Variants in ADGRL3 observed in about 807,000 individuals in gnomAD.
ADGRL3 encodes calcium-independent alpha-latrotoxin receptor 3.
A neutral mutation model predicts 153.5 loss-of-function variants in ADGRL3; 62 were observed. That is an observed-to-expected ratio of 0.40 (90% confidence interval 0.33 to 0.50). The LOEUF (loss-of-function observed/expected upper bound fraction) is 0.50, where lower values mean the gene tolerates loss of function less well. Among genes scored for constraint, ADGRL3 ranks in the 20% least tolerant of loss-of-function variants. The pLI is 0.47. For missense variants in ADGRL3, 1,641 were observed against 1,859.4 expected (o/e 0.88, Z 2.16); for synonymous variants, 710 against 672.5 (o/e 1.06, Z -0.86).
intron 9 of ADGRL3, among the ~76,000 whole-genome samples, chr4:61,872,638 T>A (rs2098452382): frequency 6.7e-6 from 1 of 149,454 alleles, no homozygotes. Context: ...GTTTCTAGTC[T>A]CAATGTTAAC....
At chr4:61,628,867 T>A (rs942281614) in intron 5 of ADGRL3, among the ~76,000 whole-genome samples, 1 of 152,202 alleles carries the variant, frequency 6.6e-6, no homozygotes, top group Non-Finnish European at 1.5e-5. Flanking sequence ...TTTGTTCTTG[T>A]TGACAGTATA....
intron 2 of ADGRL3, among the ~76,000 whole-genome samples, chr4:61,450,974 T>G (rs1220323991): frequency 1.3e-5 from 2 of 152,102 alleles, no homozygotes; most frequent in Non-Finnish European, 2.9e-5. Context: ...TAGTATTAGA[T>G]TATTCTAAAT....
At chr4:61,530,502 G>C (rs987553840) in intron 4 of ADGRL3, among the ~76,000 whole-genome samples, 3 of 152,070 alleles carry the variant, frequency 2.0e-5, no homozygotes, top group African/African-American at 4.8e-5. Flanking sequence ...GCTCAGTGCT[G>C]AGTTTGGTAA....
intron 1 of ADGRL3, among the ~76,000 whole-genome samples, chr4:61,216,491 T>C (rs1037707902): frequency 6.6e-6 from 1 of 152,132 alleles, no homozygotes; most frequent in African/African-American, 2.4e-5. Flanking sequence ...ATACCTTGAG[T>C]GTAGAATTCT....
In ADGRL3 at chr4:61,711,461, TA is replaced by T. The variant is rs1561105104; in HGVS notation, c.584-19160del. ...CTATCTTAAAACATATGCTTCATTATATATATATATATATATATATATATAT... is the reference window on the plus strand; with the variant it reads ...CTATCTTAAAACATATGCTTCATTATTATATATATATATATATATATATAT... On this transcript the variant is annotated intron_variant, in intron 6 of 26. Transcript: ENST00000683033. Among the ~76,000 whole-genome samples, 39 of 70,110 alleles carry T rather than the reference TA, an allele frequency of 5.6e-4. 3 individuals carry two copies. Among genetic ancestry groups the T allele is most frequent in the Middle Eastern group, 0.014 (2 of 148 alleles). 46.0% of individuals were successfully genotyped at this position (70,110 alleles called of 152,430 possible). A position where few individuals can be genotyped will look rare whatever the true frequency, so the allele number is the denominator to read the frequency against.
At chr4:61,593,040 A>G (rs1416706003) in intron 5 of ADGRL3, among the ~76,000 whole-genome samples, 1 of 152,172 alleles carries the variant, frequency 6.6e-6, no homozygotes, top group Non-Finnish European at 1.5e-5. Context: ...CATGAGGCTT[A>G]CAAACACTAT....
chr4:61,837,324 T>TG (rs2097951935), intron 9 of ADGRL3, among the ~76,000 whole-genome samples: 1 of 152,172 alleles, frequency 6.6e-6, no homozygotes, highest in Non-Finnish European at 1.5e-5. Context: ...GTAATGCACT[T>TG]GCAAAGACTG....
intron 1 of ADGRL3, among the ~76,000 whole-genome samples, chr4:61,366,617 T>G (rs999933088): frequency 6.6e-6 from 1 of 152,216 alleles, no homozygotes; most frequent in South Asian, 2.1e-4. Context: ...TGTCTTTGAC[T>G]GCAGTGAAGT....
intron 9 of ADGRL3, among the ~76,000 whole-genome samples, chr4:61,858,589 C>T (rs2098305815): frequency 6.6e-6 from 1 of 152,112 alleles, no homozygotes; most frequent in Non-Finnish European, 1.5e-5. Flanking sequence ...CCACTGCACT[C>T]CATCCTGGGA....
intron 2 of ADGRL3, among the ~76,000 whole-genome samples, chr4:61,487,248 T>C (rs1009612958): frequency 1.3e-5 from 2 of 152,158 alleles, no homozygotes; most frequent in East Asian, 1.9e-4. Flanking sequence ...CTGGGCTTTA[T>C]TACTTTTAAC....
chr4:61,218,336 C>T (rs895350504), intron 1 of ADGRL3, among the ~76,000 whole-genome samples: 4 of 151,038 alleles, frequency 2.6e-5, no homozygotes, highest in Non-Finnish European at 4.4e-5. Flanking sequence ...TTGGAGACAG[C>T]GTCTTGCTCT....
intron 1 of ADGRL3, among the ~76,000 whole-genome samples, chr4:61,377,647 C>A (rs1460424241): frequency 6.6e-6 from 1 of 151,910 alleles, no homozygotes; most frequent in Admixed American, 6.6e-5. Context: ...AATTAGTAGT[C>A]ATTTTAACAT....
intron 13 of ADGRL3, among the ~76,000 whole-genome samples, chr4:61,933,288 T>G (rs1196080158): frequency 6.6e-6 from 1 of 152,114 alleles, no homozygotes; most frequent in Non-Finnish European, 1.5e-5. Context: ...TTTATTTTTA[T>G]TTTTTTGGTT....
At chr4:61,774,711 C>T (rs996291426) in intron 8 of ADGRL3, among the ~76,000 whole-genome samples, 1 of 151,876 alleles carries the variant, frequency 6.6e-6, no homozygotes. Context: ...ATTTGTATTG[C>T]AGTATATTGT....
At chr4:61,302,082 T>A (rs1264416704) in intron 1 of ADGRL3, among the ~76,000 whole-genome samples, 1 of 152,134 alleles carries the variant, frequency 6.6e-6, no homozygotes, top group East Asian at 1.9e-4. Flanking sequence ...ATTTTTAAGG[T>A]AGATGAGAAT....
intron 13 of ADGRL3, among the ~76,000 whole-genome samples, chr4:61,915,475 G>C (rs1035627080): frequency 3.9e-5 from 6 of 151,924 alleles, no homozygotes; most frequent in African/African-American, 1.4e-4. Flanking sequence ...TGGGGCCTTT[G>C]GGATAATTAG....
chr4:61,600,035 C>T (rs898328292), intron 5 of ADGRL3, among the ~76,000 whole-genome samples: 25 of 151,982 alleles, frequency 1.6e-4, no homozygotes, highest in African/African-American at 5.6e-4. Flanking sequence ...ATGGGCGAGG[C>T]GTGGTGGCTC....
intron 1 of ADGRL3, among the ~76,000 whole-genome samples, chr4:61,282,824 A>T (rs1240360852): frequency 6.6e-6 from 1 of 152,062 alleles, no homozygotes; most frequent in Non-Finnish European, 1.5e-5. Context: ...TGATCTTTAG[A>T]TTCACAATGG....
At chr4:61,261,197 T>C (rs1395665647) in intron 1 of ADGRL3, among the ~76,000 whole-genome samples, 1 of 149,802 alleles carries the variant, frequency 6.7e-6, no homozygotes, top group Non-Finnish European at 1.5e-5. Context: ...TTCTTTTTTT[T>C]TTTTTTTTTT....
Sources: gnomAD v4.1 joint callset for allele counts (sites outside exome capture counted in the v4.1 genomes callset) on GRCh38, gnomAD v4.1.1 for gene constraint, MANE v1.5 for transcripts, NCBI Gene and HGNC (gene_info 2026-07-23, HGNC 2026-07-21) for gene names.